Variants in PTPRT observed in about 807,000 individuals in gnomAD.
PTPRT encodes receptor-type tyrosine-protein phosphatase T.
In PTPRT, 56 loss-of-function variants were observed where a neutral mutation model predicts 176.8. The observed-to-expected ratio is 0.32, with a 90% confidence interval of 0.26 to 0.40. PTPRT has a LOEUF of 0.40. Ranked by LOEUF, PTPRT falls within the 10% of genes least tolerant of loss-of-function variation. PTPRT has a pLI of 1.00. For synonymous variants in PTPRT, 783 were observed against 739.0 expected, an observed-to-expected ratio of 1.06 and a Z score of -0.96; for missense variants, 1,540 against 1,908.2, an observed-to-expected ratio of 0.81 and a Z score of 3.60.
At chr20:43,003,204 T>C (rs2146134104) in intron 1 of PTPRT, among the ~76,000 whole-genome samples, 2 of 152,324 alleles carry the variant, frequency 1.3e-5, no homozygotes, top group Middle Eastern at 6.8e-3. Context: ...GATTTATTTT[T>C]TGAGACAGGG....
intron 7 of PTPRT, among the ~76,000 whole-genome samples, chr20:42,657,464 T>C (rs1334882062): frequency 6.6e-6 from 1 of 152,174 alleles, no homozygotes; most frequent in Admixed American, 6.5e-5. Context: ...TTCAGGCTCT[T>C]TCTTCACAAC....
At chr20:42,479,353 C>G (rs1601100101) in intron 7 of PTPRT, among the ~76,000 whole-genome samples, 1 of 152,164 alleles carries the variant, frequency 6.6e-6, no homozygotes, top group Non-Finnish European at 1.5e-5. Context: ...TTTGGAGATG[C>G]AATTTGAGTT....
intron 1 of PTPRT, among the ~76,000 whole-genome samples, chr20:42,961,577 G>T (rs964203918): frequency 2.0e-5 from 3 of 152,176 alleles, no homozygotes; most frequent in Non-Finnish European, 4.4e-5. Flanking sequence ...AAGATGTGGG[G>T]TGTGCACTCC....
chr20:42,223,731 A>T (rs1289551318), intron 15 of PTPRT, among the ~76,000 whole-genome samples: 1 of 152,206 alleles, frequency 6.6e-6, no homozygotes, highest in Non-Finnish European at 1.5e-5. Flanking sequence ...ACCAGATATG[A>T]GCTTAGATTT....
At chr20:42,918,891 TCTCC>T (rs1978963254) in intron 1 of PTPRT, among the ~76,000 whole-genome samples, 1 of 152,124 alleles carries the variant, frequency 6.6e-6, no homozygotes, top group African/African-American at 2.4e-5. Flanking sequence ...ACACAGCCTG[TCTCC>T]CTCTTCTAGT....
chr20:42,256,140 G>C (rs1568713717), intron 13 of PTPRT, among the ~76,000 whole-genome samples: 1 of 152,174 alleles, frequency 6.6e-6, no homozygotes, highest in Non-Finnish European at 1.5e-5. Context: ...GATTATGGGG[G>C]TTTTGCCAAG....
intron 1 of PTPRT, among the ~76,000 whole-genome samples, chr20:43,085,544 A>G (rs1157395686): frequency 6.6e-6 from 1 of 152,182 alleles, no homozygotes; most frequent in Non-Finnish European, 1.5e-5. Flanking sequence ...ATTGACTCAC[A>G]GTTCCACATG....
intron 22 of PTPRT, among the ~76,000 whole-genome samples, chr20:42,112,955 C>T (rs1298977534): frequency 1.3e-5 from 2 of 152,212 alleles, no homozygotes; most frequent in African/African-American, 4.8e-5. Context: ...AGCCTTCCTT[C>T]GAGCTCTTCC....
At chr20:42,591,505 G>A (rs2073574079) in intron 7 of PTPRT, among the ~76,000 whole-genome samples, 1 of 152,184 alleles carries the variant, frequency 6.6e-6, no homozygotes, top group Non-Finnish European at 1.5e-5. Flanking sequence ...ACTCAGTTAT[G>A]TGACCTGGAA....
At chr20:42,399,339 T>A (rs1294814215) in intron 9 of PTPRT, among the ~76,000 whole-genome samples, 4 of 152,336 alleles carry the variant, frequency 2.6e-5, no homozygotes, top group African/African-American at 9.6e-5. Context: ...CGGTAGGAAC[T>A]ATGGCACCCT....
At chr20:42,502,722 A>AT (rs1482816891) in intron 7 of PTPRT, among the ~76,000 whole-genome samples, 1 of 152,048 alleles carries the variant, frequency 6.6e-6, no homozygotes, top group African/African-American at 2.4e-5. Flanking sequence ...TTGGTGCCAG[A>AT]TTTTTTAGCT....
intron 1 of PTPRT, among the ~76,000 whole-genome samples, chr20:43,140,864 A>G (rs1277190439): frequency 1.3e-5 from 2 of 152,220 alleles, no homozygotes; most frequent in Admixed American, 6.5e-5. Context: ...AGCTGTGCTC[A>G]GGATAACATT....
chr20:42,777,342 G>A (rs948061315), intron 4 of PTPRT, among the ~76,000 whole-genome samples: 1 of 152,132 alleles, frequency 6.6e-6, no homozygotes, highest in Non-Finnish European at 1.5e-5. Flanking sequence ...TCCGTGTGCA[G>A]GGCCTCTGCA....
intron 1 of PTPRT, chr20:43,063,351 C>A (rs1422265218): frequency 6.6e-6 from 1 of 152,300 alleles, no homozygotes; most frequent in Non-Finnish European, 1.5e-5. Context: ...CTGGCTGCGA[C>A]ATCTGTCATC....
At chr20:42,273,577 C>A (rs907387127) in intron 13 of PTPRT, among the ~76,000 whole-genome samples, 7 of 152,180 alleles carry the variant, frequency 4.6e-5, no homozygotes, top group Admixed American at 4.6e-4. Context: ...TAGTTTAGTA[C>A]CTTTTCCTAC....
chr20:43,041,532 A>T (rs1268240448), intron 1 of PTPRT, among the ~76,000 whole-genome samples: 3 of 152,198 alleles, frequency 2.0e-5, no homozygotes, highest in Non-Finnish European at 2.9e-5. Context: ...GTTGTAGGAA[A>T]GTACCTATAA....
At chr20:42,817,891 C>T (rs6065539) in intron 2 of PTPRT, among the ~76,000 whole-genome samples, 8,449 of 152,220 alleles carry the variant, frequency 0.056, 371 homozygotes, top group Admixed American at 0.13. Context: ...TGAGCCCCGG[C>T]GGGAGGGGCA....
chr20:42,229,759 T>G (rs2056096083), intron 15 of PTPRT, among the ~76,000 whole-genome samples: 1 of 152,194 alleles, frequency 6.6e-6, no homozygotes, highest in African/African-American at 2.4e-5. Context: ...AGTGGCTTGT[T>G]CAGGTCACAC....
intron 7 of PTPRT, among the ~76,000 whole-genome samples, chr20:42,480,748 C>T (rs540543498): frequency 2.0e-5 from 3 of 152,194 alleles, no homozygotes; most frequent in East Asian, 3.9e-4. Context: ...CCCTGACATT[C>T]GTTATCATAG....
Sources: allele counts gnomAD v4.1 joint callset (sites outside exome capture counted in the v4.1 genomes callset), GRCh38; gene constraint gnomAD v4.1.1; transcripts MANE v1.5; gene names NCBI Gene and HGNC (gene_info 2026-07-23, HGNC 2026-07-21).